MOSPD2: variants seen among roughly 807,000 people sequenced by gnomAD.
MOSPD2 encodes motile sperm domain containing 2, also known as motile sperm domain-containing protein 2.
MOSPD2 carries 5 observed loss-of-function variants against 41.7 expected under a neutral mutation model. That is an observed-to-expected ratio of 0.12 (90% CI 0.06 to 0.25). MOSPD2 has a LOEUF of 0.25. Ranked by LOEUF, MOSPD2 falls within the 10% of genes least tolerant of loss-of-function variation. MOSPD2 has a pLI of 1.00. For synonymous variants in MOSPD2, 115 were observed against 126.9 expected (o/e 0.91, Z 0.63); for missense variants, 282 against 375.2 (o/e 0.75, Z 2.05).
chrX:14,919,417 G>A (rs923073851), intron 14 of MOSPD2, among the ~76,000 whole-genome samples: 13 of 111,539 alleles, frequency 1.2e-4, no homozygotes, highest in African/African-American at 4.2e-4. Flanking sequence ...AAGGGTTTCT[G>A]TACCTCTAGG....
chrX:14,873,581 G>A, intron 1 of MOSPD2, 44 bp downstream of exon 1: 1 of 1,211,727 alleles, frequency 8.3e-7, no homozygotes, highest in Non-Finnish European at 1.1e-6. Flanking sequence ...GGACCCGGAA[G>A]CCGCCTCTGA....
At chrX:14,904,698 G>T (rs2092578805) in intron 7 of MOSPD2, among the ~76,000 whole-genome samples, 1 of 112,038 alleles carries the variant, frequency 8.9e-6, no homozygotes, top group Non-Finnish European at 1.9e-5. Context: ...GTCCAAGGAA[G>T]TACCAAATGT....
At chrX:14,875,751 A>G (rs768304102) in intron 2 of MOSPD2, among the ~76,000 whole-genome samples, 53 of 111,729 alleles carry the variant, frequency 4.7e-4, no homozygotes, top group African/African-American at 1.6e-3. Flanking sequence ...GGTATTGCGC[A>G]TGGCTTGGTC....
At chrX:14,882,030 G>T (rs1386222081) in intron 2 of MOSPD2, among the ~76,000 whole-genome samples, 1 of 109,475 alleles carries the variant, frequency 9.1e-6, no homozygotes, top group Admixed American at 9.7e-5. Flanking sequence ...GGGAAGGGGG[G>T]AGGGATAGCA....
At chrX:14,887,957 G>A (rs2092544995) in intron 2 of MOSPD2, among the ~76,000 whole-genome samples, 1 of 110,839 alleles carries the variant, frequency 9.0e-6, no homozygotes, top group African/African-American at 3.3e-5. Flanking sequence ...AATTTACAGA[G>A]CAAAATTCAT....
chrX:14,908,563 A>C (rs2092586241), intron 7 of MOSPD2, among the ~76,000 whole-genome samples: 2 of 111,684 alleles, frequency 1.8e-5, no homozygotes, highest in African/African-American at 6.5e-5. Flanking sequence ...GGAAATCTAA[A>C]TAGTTGGGAT....
intron 7 of MOSPD2, among the ~76,000 whole-genome samples, chrX:14,905,846 G>A (rs1386048829): frequency 9.0e-6 from 1 of 111,490 alleles, no homozygotes; most frequent in African/African-American, 3.3e-5. Context: ...AACACAGTGT[G>A]AGTGCTATAT....
chrX:14,880,424 T>G (rs2092529281), intron 2 of MOSPD2, among the ~76,000 whole-genome samples: 1 of 111,843 alleles, frequency 8.9e-6, no homozygotes, highest in African/African-American at 3.2e-5. Context: ...CACCTTGAAA[T>G]ATTGATTGTT....
rs1389701540 is a variant in MOSPD2 at position 14,916,253 on chromosome X, T to A, written c.1243T>A (p.Ser415Thr). The change falls in exon 13 of 15, where the codon TCA becomes ACA. Residue 415 changes from serine (S) to threonine (T), a missense_variant. By Grantham distance (58) the Ser-to-Thr change is moderately conservative. Coordinates refer to ENST00000380492, the MANE Select transcript of MOSPD2 (RefSeq NM_152581.4). ...FLIMAAEMEQ[S>T]SGTGPAELTQ... is the part of the protein sequence containing the mutation. ...GATAATGGCTGCAGAAATGGAACAG[T>A]CATCTGGCACAGGCCCAGCAGAATT... 4 of 1,210,459 alleles carry A rather than the reference T, an allele frequency of 3.3e-6. No individual in the cohort carries two copies. The highest frequency in any genetic ancestry group is 3.5e-5 in the South Asian group (2 of 56,886).
At chrX:14,915,632 TA>T in intron 11 of MOSPD2, 35 bp from the exon 12 acceptor site, 1 of 1,054,407 alleles carries the variant, frequency 9.5e-7, no homozygotes, top group Non-Finnish European at 1.3e-6. Flanking sequence ...CAAAAAAGCA[TA>T]AAGGTTGTTA....
At chrX:14,892,524 TGGG>T (rs2092555806) in intron 2 of MOSPD2, among the ~76,000 whole-genome samples, 196 bp from the exon 3 acceptor site, 2 of 111,414 alleles carry the variant, frequency 1.8e-5, no homozygotes, top group African/African-American at 6.5e-5. Flanking sequence ...ACAAGAGACT[TGGG>T]GGAACCAAGC....
chrX:14,918,884 C>T (rs2092604741), intron 14 of MOSPD2, 102 bp downstream of exon 14: 2 of 547,445 alleles, frequency 3.7e-6, no homozygotes, highest in Admixed American at 6.8e-5. Flanking sequence ...TTGGCATAGA[C>T]ACGATAGAAA....
intron 2 of MOSPD2, among the ~76,000 whole-genome samples, chrX:14,887,657 A>G (rs753208220): frequency 1.2e-4 from 13 of 111,612 alleles, no homozygotes; most frequent in Non-Finnish European, 2.1e-4. Flanking sequence ...AAAGTTTGCT[A>G]TTTTACAAGT....
At chrX:14,908,564 T>A (rs934813435) in intron 7 of MOSPD2, among the ~76,000 whole-genome samples, 8 of 111,682 alleles carry the variant, frequency 7.2e-5, no homozygotes, top group Non-Finnish European at 1.5e-4. Flanking sequence ...GAAATCTAAA[T>A]AGTTGGGATC....
chrX:14,885,856 A>G (rs1004781696), intron 2 of MOSPD2, among the ~76,000 whole-genome samples: 3 of 111,925 alleles, frequency 2.7e-5, no homozygotes, highest in African/African-American at 9.7e-5. Flanking sequence ...CTATTCTATA[A>G]TTTTTTAACT....
intron 3 of MOSPD2, among the ~76,000 whole-genome samples, chrX:14,893,575 C>T (rs947473183): frequency 5.4e-5 from 6 of 112,044 alleles, no homozygotes; most frequent in African/African-American, 1.3e-4. Context: ...ACTGGCATAA[C>T]TTCTGTTTTC....
rs1232850769 is a variant in MOSPD2 at position 14,921,082 on chromosome X, T to C, written c.*1273T>C. On this transcript the variant is annotated 3_prime_UTR_variant, in exon 15 of 15. Transcript: ENST00000380492. ...GCAGTAGCAGAGGCAATGACATGAG[T>C]TTGTTTTCTCATTAATATGACCAGT... is the stretch of plus-strand genomic sequence containing the variant. 25 of 798,784 alleles carry C rather than the reference T, an allele frequency of 3.1e-5. No homozygotes were observed. The highest frequency in any genetic ancestry group is 3.7e-5 in the Non-Finnish European group (25 of 669,305). The allele number at this position is 798,784 out of a possible 1,213,427, so 65.8% of individuals were successfully genotyped here.
At position 14,921,964 on chromosome X, in the gene MOSPD2, T is replaced by A. The variant is rs1348066902; in HGVS notation, c.*2155T>A. On this transcript the variant is annotated 3_prime_UTR_variant, in exon 15 of 15. Coordinates refer to ENST00000380492, the MANE Select transcript of MOSPD2 (RefSeq NM_152581.4). ...GTTTTCACTTAGGAATGGAAATTAATAGATTTTCCATGAAAGCATTAGTGA... is the reference window on the plus strand; with the variant it reads ...GTTTTCACTTAGGAATGGAAATTAAAAGATTTTCCATGAAAGCATTAGTGA... 1 of 111,839 alleles carries A rather than the reference T, an allele frequency of 8.9e-6. No homozygotes were observed. Among genetic ancestry groups the A allele is most frequent in the Non-Finnish European group, 1.9e-5 (1 of 53,236 alleles). 9.2% of individuals were successfully genotyped at this position (111,839 alleles called of 1,213,427 possible). A position where few individuals can be genotyped will look rare whatever the true frequency, so the allele number is the denominator to read the frequency against.
rs371745489 is a variant in MOSPD2, at chrX:14,886,697, G to T, written c.80-6026G>T. On this transcript the variant is annotated intron_variant, in intron 2 of 14. Transcript: ENST00000380492. ...GTAGAACAACAGTTCTCAAAGTGTG[G>T]TCCCTGACCAGCAGCATCAGCAGTA... Among the ~76,000 whole-genome samples the T allele has an allele frequency of 2.7e-5, 3 of 111,656 alleles. No homozygotes were observed. In the East Asian group the frequency reaches 8.4e-4, roughly 31 times the overall value.
Sources: gnomAD v4.1 joint callset for allele counts (sites outside exome capture counted in the v4.1 genomes callset) on GRCh38, gnomAD v4.1.1 for gene constraint, MANE v1.5 for transcripts, NCBI Gene and HGNC (gene_info 2026-07-23, HGNC 2026-07-21) for gene names.